CELF2: variants seen among roughly 807,000 people sequenced by gnomAD.
CELF2 encodes the protein CUG triplet repeat RNA-binding protein 2.
A neutral mutation model predicts 62.6 loss-of-function variants in CELF2; 8 were observed. The observed-to-expected ratio is 0.13, with a 90% confidence interval of 0.07 to 0.23. The LOEUF (loss-of-function observed/expected upper bound fraction) is 0.23, where lower values mean the gene tolerates loss of function less well. CELF2 is among the 10% of genes least tolerant of loss of function. CELF2 has a pLI of 1.00. For missense variants in CELF2, 333 were observed against 671.0 expected (o/e 0.50, Z 5.56); for synonymous variants, 258 against 250.0 (o/e 1.03, Z -0.30).
At chr10:11,277,891 A>G (rs2086734150) in intron 8 of CELF2, among the ~76,000 whole-genome samples, 2 of 152,208 alleles carry the variant, frequency 1.3e-5, no homozygotes, top group Non-Finnish European at 2.9e-5. Flanking sequence ...ATTTTTCTGT[A>G]TTACATTGAC....
the CELF2 span, among the ~76,000 whole-genome samples, chr10:10,764,558 G>C: frequency 6.6e-6 from 1 of 152,276 alleles, no homozygotes; most frequent in African/African-American, 2.4e-5. Context: ...AGGGCCTAGA[G>C]GATCACTGTG....
intron 1 of CELF2, among the ~76,000 whole-genome samples, chr10:10,894,402 G>GT (rs2062389441): frequency 1.3e-5 from 2 of 152,198 alleles, no homozygotes; most frequent in African/African-American, 4.8e-5. Context: ...CTTTGATATT[G>GT]TAAGTAGCCT....
intron 1 of CELF2, among the ~76,000 whole-genome samples, chr10:10,823,149 G>A (rs993700385): frequency 2.6e-5 from 4 of 152,074 alleles, no homozygotes; most frequent in Non-Finnish European, 5.9e-5. Context: ...CAATTAGAAA[G>A]GACTTTTTAA....
the CELF2 span, among the ~76,000 whole-genome samples, chr10:10,502,079 T>A: frequency 6.6e-6 from 1 of 152,264 alleles, no homozygotes; most frequent in Non-Finnish European, 1.5e-5. Context: ...TTTTCCAATG[T>A]TGAACCAGGT....
intron 1 of CELF2, among the ~76,000 whole-genome samples, chr10:11,146,266 A>G (rs2062255424): frequency 6.6e-6 from 1 of 152,232 alleles, no homozygotes; most frequent in Admixed American, 6.5e-5. Flanking sequence ...TATTAGCAGT[A>G]TTTTCCACAT....
At chr10:10,949,615 A>C (rs1295993068) in intron 2 of CELF2, among the ~76,000 whole-genome samples, 1 of 151,664 alleles carries the variant, frequency 6.6e-6, no homozygotes, top group African/African-American at 2.4e-5. Context: ...AATACAACAA[A>C]ACCCCATCTC....
intron 1 of CELF2, among the ~76,000 whole-genome samples, chr10:11,029,099 C>T (rs367744582): frequency 3.9e-5 from 6 of 152,160 alleles, no homozygotes; most frequent in South Asian, 2.1e-4. Context: ...GTGCTCAGGC[C>T]GCAGAATGCC....
the CELF2 span, among the ~76,000 whole-genome samples, chr10:10,685,387 G>C: frequency 1.3e-5 from 2 of 152,134 alleles, no homozygotes; most frequent in African/African-American, 4.8e-5. Context: ...TGAATCAAAT[G>C]TGTGATTTAA....
At chr10:10,926,922 A>C (rs188998070) in intron 2 of CELF2, 2 of 152,276 alleles carry the variant, frequency 1.3e-5, no homozygotes, top group East Asian at 3.9e-4. Flanking sequence ...CCTAGGGACA[A>C]CTTCCTCCTC....
chr10:10,465,815 T>C, the CELF2 span, among the ~76,000 whole-genome samples: 6 of 152,054 alleles, frequency 3.9e-5, no homozygotes, highest in Admixed American at 6.6e-5. Flanking sequence ...TTAAACAAAA[T>C]ACAAGACAAT....
At chr10:11,126,645 A>G (rs750741319) in intron 1 of CELF2, among the ~76,000 whole-genome samples, 11 of 152,228 alleles carry the variant, frequency 7.2e-5, no homozygotes, top group Non-Finnish European at 1.3e-4. Context: ...TGCTGTCAAT[A>G]TACAAAACAC....
In CELF2 at chr10:11,178,563, G is replaced by C. The variant is rs1233043221; in HGVS notation, c.271+12881G>C. Among the ~76,000 whole-genome samples, 1 of 152,248 alleles carries C rather than the reference G, an allele frequency of 6.6e-6. No homozygotes were observed. The highest frequency in any genetic ancestry group is 1.5e-5 in the Non-Finnish European group (1 of 68,046). Reference sequence around the variant, plus strand: ...CTAATTGTGCTCTAATCTGTACTTAGGAGTATAGTTTTTTAAGTGGGACAT... The same window carrying C: ...CTAATTGTGCTCTAATCTGTACTTACGAGTATAGTTTTTTAAGTGGGACAT... On this transcript the variant is annotated intron_variant, in intron 2 of 12. Transcript: ENST00000633077. The surrounding 1 kb of genome is among the most constrained non-coding windows in gnomAD (Gnocchi z 4.3).
chr10:10,543,618 G>T, the CELF2 span, among the ~76,000 whole-genome samples: 1,736 of 152,258 alleles, frequency 0.011, 32 homozygotes, highest in African/African-American at 0.039. Context: ...AGGTCAAGGT[G>T]GGTGGATCAC....
chr10:10,859,591 A>G (rs571851204), intron 1 of CELF2, among the ~76,000 whole-genome samples: 1 of 152,334 alleles, frequency 6.6e-6, no homozygotes, highest in South Asian at 2.1e-4. Flanking sequence ...TTGATCTGTC[A>G]TCCTATTAAA....
At chr10:11,129,178 G>A (rs967228225) in intron 1 of CELF2, among the ~76,000 whole-genome samples, 24 of 152,236 alleles carry the variant, frequency 1.6e-4, no homozygotes, top group Admixed American at 2.6e-4. Flanking sequence ...GATGGATTAC[G>A]TTCATTGATT....
chr10:11,017,179 A>G (rs935680854), upstream of CELF2, among the ~76,000 whole-genome samples: 9 of 152,352 alleles, frequency 5.9e-5, no homozygotes, highest in South Asian at 1.9e-3. The surrounding 1 kb of genome is among the most constrained non-coding windows in gnomAD (Gnocchi z 5.5). Context: ...TCTTAAGTGG[A>G]TATTTAAGCT....
chr10:11,271,798 C>T (rs2083895152), intron 7 of CELF2, among the ~76,000 whole-genome samples: 1 of 152,080 alleles, frequency 6.6e-6, no homozygotes, highest in African/African-American at 2.4e-5. Flanking sequence ...TCTTGTGATC[C>T]TGTCACCCAT....
chr10:11,175,063 C>CG (rs11402658), intron 2 of CELF2, among the ~76,000 whole-genome samples: 31,871 of 131,222 alleles, frequency 0.24, 3,472 homozygotes, highest in Middle Eastern at 0.31. Context: ...TTAAAGTCTG[C>CG]CCCCCCGCCC....
intron 2 of CELF2, among the ~76,000 whole-genome samples, chr10:10,943,549 G>A (rs572958091): frequency 1.9e-4 from 29 of 152,202 alleles, no homozygotes; most frequent in Non-Finnish European, 3.4e-4. Context: ...GCAAAACACT[G>A]TTCTTGAAGA....
Sources: gnomAD v4.1 joint callset for allele counts (sites outside exome capture counted in the v4.1 genomes callset) on GRCh38, gnomAD v4.1.1 for gene constraint, Gnocchi (gnomAD v3.1) non-coding constraint, MANE v1.5 for transcripts, NCBI Gene and HGNC (gene_info 2026-07-23, HGNC 2026-07-21) for gene names.